Variants in PRSS3 observed in about 807,000 individuals in gnomAD.
The protein encoded by PRSS3 is serine protease 3.
A neutral mutation model predicts 20.8 loss-of-function variants in PRSS3; 14 were observed. The observed-to-expected ratio is 0.67, with a 90% confidence interval of 0.44 to 1.05. The LOEUF (loss-of-function observed/expected upper bound fraction) is 1.05. PRSS3 is among the 50% of genes least tolerant of loss of function. The pLI, the probability that PRSS3 is intolerant of heterozygous loss-of-function variation, is 0.00. For synonymous variants in PRSS3, 91 were observed against 117.6 expected, an observed-to-expected ratio of 0.77 and a Z score of 1.46; for missense variants, 237 against 306.4, an observed-to-expected ratio of 0.77 and a Z score of 1.69.
chr9:33,786,405 A>G (rs1824412979), intron 1 of PRSS3: 1 of 669,086 alleles, frequency 1.5e-6, no homozygotes, highest in South Asian at 1.7e-5. Flanking sequence ...TTGTCGGCAC[A>G]ATAAAAAGGA....
At chr9:33,788,028 G>A (rs539543853) in intron 1 of PRSS3, among the ~76,000 whole-genome samples, 2 of 152,334 alleles carry the variant, frequency 1.3e-5, no homozygotes, top group South Asian at 4.1e-4. Flanking sequence ...GGACCTCAGA[G>A]AGCAGCCACC....
intron 1 of PRSS3, among the ~76,000 whole-genome samples, chr9:33,779,735 G>C (rs1209434967): frequency 6.6e-6 from 1 of 151,786 alleles, no homozygotes; most frequent in East Asian, 1.9e-4. Context: ...CGGGCATGGT[G>C]GCAGGTACCT....
chr9:33,767,420 C>A (rs1823484579), intron 1 of PRSS3, among the ~76,000 whole-genome samples: 1 of 152,252 alleles, frequency 6.6e-6, no homozygotes, highest in Non-Finnish European at 1.5e-5. Flanking sequence ...GAAGTCCTCA[C>A]CTCCAGTGCC....
chr9:33,784,499 C>T (rs1275468120), intron 1 of PRSS3, among the ~76,000 whole-genome samples: 1 of 152,208 alleles, frequency 6.6e-6, no homozygotes, highest in African/African-American at 2.4e-5. Flanking sequence ...CTCATATGAA[C>T]AAGTTACTGA....
intron 1 of PRSS3, among the ~76,000 whole-genome samples, chr9:33,751,347 T>C (rs1822691009): frequency 6.6e-6 from 1 of 152,146 alleles, no homozygotes; most frequent in Non-Finnish European, 1.5e-5. Context: ...ATCCAGTGCT[T>C]AGCTTCCGTT....
chr9:33,786,799 C>T lies in PRSS3; in HGVS notation c.-52-7947C>T, dbSNP rs1824431348. The stretch of plus-strand genomic sequence containing the variant: ...CTGTGAGCAACAGGAGACCTGAAGA[C>T]AGCAGCATATACCTCTGCAGCGTTG... On this transcript the variant is annotated intron_variant, in intron 1 of 5. Transcript: ENST00000342836. 2.1e-5 allele frequency: 16 copies of T among 763,756 alleles called. No individual in the cohort carries two copies. The East Asian group carries it at 3.6e-4, about 17-fold the overall frequency. 47.3% of individuals were successfully genotyped at this position (763,756 alleles called of 1,614,324 possible). A position where few individuals can be genotyped will look rare whatever the true frequency, so the allele number is the denominator to read the frequency against.
At chr9:33,792,295 A>T (rs1232518880), upstream of PRSS3, among the ~76,000 whole-genome samples, 5 of 152,004 alleles carry the variant, frequency 3.3e-5, no homozygotes, top group African/African-American at 1.2e-4. Context: ...GTTGACTAAG[A>T]GCTTAGGAGA....
chr9:33,785,208 C>G, intron 1 of PRSS3, among the ~76,000 whole-genome samples: 1 of 91,874 alleles, frequency 1.1e-5, no homozygotes, highest in Non-Finnish European at 1.9e-5. Context: ...GACGGAGTCT[C>G]GCTCTGTCGC....
intron 1 of PRSS3, among the ~76,000 whole-genome samples, chr9:33,768,997 G>A (rs1359765457): frequency 1.3e-5 from 2 of 152,204 alleles, no homozygotes; most frequent in Non-Finnish European, 2.9e-5. Flanking sequence ...ATGAGAACAT[G>A]GTATTAGAAA....
chr9:33,781,354 G>A (rs1824176928), intron 1 of PRSS3, among the ~76,000 whole-genome samples: 1 of 152,184 alleles, frequency 6.6e-6, no homozygotes, highest in African/African-American at 2.4e-5. Flanking sequence ...CCTAAAAAAA[G>A]AATGAAATCA....
chr9:33,787,515 T>C (rs1331455948), intron 1 of PRSS3, among the ~76,000 whole-genome samples: 2 of 152,212 alleles, frequency 1.3e-5, no homozygotes, highest in African/African-American at 2.4e-5. Flanking sequence ...GCTTAGTCTT[T>C]GGACTTTGAA....
intron 1 of PRSS3, chr9:33,786,910 C>T (rs904854339): frequency 5.6e-5 from 34 of 609,420 alleles, no homozygotes; most frequent in Admixed American, 8.5e-5. Flanking sequence ...AACCTGAGGG[C>T]CCTGTCAAGG....
chr9:33,759,800 G>A (rs1346752215), intron 1 of PRSS3, among the ~76,000 whole-genome samples: 3 of 152,208 alleles, frequency 2.0e-5, no homozygotes, highest in African/African-American at 7.2e-5. Context: ...GGGTGTGCAT[G>A]AGAGTTCTTG....
At chr9:33,760,590 CA>C (rs1432677028) in intron 1 of PRSS3, among the ~76,000 whole-genome samples, 1 of 151,630 alleles carries the variant, frequency 6.6e-6, no homozygotes, top group Non-Finnish European at 1.5e-5. Flanking sequence ...ACTAAAAATA[CA>C]AAAAATTAGC....
chr9:33,766,089 A>AC (rs1463703888), intron 1 of PRSS3, among the ~76,000 whole-genome samples: 3 of 151,518 alleles, frequency 2.0e-5, no homozygotes, highest in African/African-American at 7.3e-5. Flanking sequence ...ATATGGTGAA[A>AC]CCCCATCTCT....
chr9:33,761,740 G>A (rs976560011), intron 1 of PRSS3, among the ~76,000 whole-genome samples: 11 of 152,154 alleles, frequency 7.2e-5, no homozygotes, highest in African/African-American at 1.2e-4. Context: ...TTAGCCAAGC[G>A]TGGTGGTGCA....
intron 1 of PRSS3, among the ~76,000 whole-genome samples, chr9:33,755,791 GCTA>G (rs1446939041): frequency 6.6e-6 from 1 of 152,170 alleles, no homozygotes; most frequent in Non-Finnish European, 1.5e-5. Flanking sequence ...CCCTCTGAGT[GCTA>G]CTAATTGCAT....
chr9:33,786,429 G>T, intron 1 of PRSS3: 1 of 683,578 alleles, frequency 1.5e-6, no homozygotes, highest in Non-Finnish European at 2.6e-6. Context: ...AGTGCCCTGG[G>T]GTCCTTTGGG....
chr9:33,765,192 G>A (rs1823361042), intron 1 of PRSS3, among the ~76,000 whole-genome samples: 3 of 152,156 alleles, frequency 2.0e-5, no homozygotes, highest in African/African-American at 7.2e-5. Context: ...ACCCCCAGTG[G>A]ATGCTAAAAC....
Sources: gnomAD v4.1 joint callset for allele counts (sites outside exome capture counted in the v4.1 genomes callset) on GRCh38, gnomAD v4.1.1 for gene constraint, MANE v1.5 for transcripts, NCBI Gene and HGNC (gene_info 2026-07-23, HGNC 2026-07-21) for gene names.